Variants in SEC23A observed in about 807,000 individuals in gnomAD.
SEC23A encodes SEC23 homolog A, COPII component.
A neutral mutation model predicts 103.7 loss-of-function variants in SEC23A; 56 were observed. The ratio of observed to expected loss-of-function variants is 0.54; its 90% CI spans 0.44 to 0.67. The LOEUF is 0.67. Among genes scored for constraint, SEC23A ranks in the 30% least tolerant of loss-of-function variants. The pLI, the probability that SEC23A is intolerant of heterozygous loss-of-function variation, is 0.00. For synonymous variants in SEC23A, 281 were observed against 293.0 expected, an observed-to-expected ratio of 0.96 and a Z score of 0.42; for missense variants, 784 against 936.4, an observed-to-expected ratio of 0.84 and a Z score of 2.12.
rs1049940628 is a variant in SEC23A at position 39,103,214 on chromosome 14, T to A, written c.-204A>T. ...AGCGAAGACCTCCGCCCGGCCAACA[T>A]GGCTGGCGCCGCCTCTGCCACGTCA... On this transcript the variant is annotated 5_prime_UTR_variant, in exon 1 of 20. It removes an upstream start codon present in the reference 5' UTR. Transcript: ENST00000307712. The A allele has an allele frequency of 3.3e-5, 5 of 152,140 alleles. No individual in the cohort carries two copies. The highest frequency in any genetic ancestry group is 7.3e-5 in the Non-Finnish European group (5 of 68,124). The allele number at this position is 152,140 out of a possible 1,614,324, so 9.4% of individuals were successfully genotyped here.
chr14:39,077,987 T>C (rs1014368963), intron 7 of SEC23A, among the ~76,000 whole-genome samples: 1 of 152,116 alleles, frequency 6.6e-6, no homozygotes, highest in Admixed American at 6.5e-5. Flanking sequence ...CTGTGGCTCA[T>C]GCCTCTAATC....
chr14:39,085,644 G>C (rs1442630651), intron 7 of SEC23A, 118 bp downstream of exon 7: 1 of 1,221,186 alleles, frequency 8.2e-7, no homozygotes, highest in African/African-American at 1.5e-5. Flanking sequence ...AGAGAATAGG[G>C]AGGAAAAAAA....
chr14:39,065,540 C>T (rs1473304499), intron 10 of SEC23A, among the ~76,000 whole-genome samples: 7 of 152,172 alleles, frequency 4.6e-5, no homozygotes, highest in South Asian at 2.1e-4. Context: ...TGTGTCTCCA[C>T]ACTACAGCCA....
At chr14:39,061,630 G>A (rs1319130248) in intron 13 of SEC23A, 135 bp downstream of exon 13, 2 of 699,386 alleles carry the variant, frequency 2.9e-6, no homozygotes, top group Non-Finnish European at 5.1e-6. Flanking sequence ...GGGTTAGAAA[G>A]AAATAAATAA....
In SEC23A at chr14:39,033,172, G is replaced by A; in HGVS notation, c.*67C>T. 1 of 1,251,486 alleles carries A rather than the reference G, an allele frequency of 8.0e-7. No homozygotes were observed. 77.5% of individuals were successfully genotyped at this position (1,251,486 alleles called of 1,614,324 possible). Reference sequence around the variant, plus strand: ...ATCTGTTGGTTTCCACAGATAAATGGAAAAAGGAAAAAATGAAATTTGAAT... The same window carrying A: ...ATCTGTTGGTTTCCACAGATAAATGAAAAAAGGAAAAAATGAAATTTGAAT... On this transcript the variant is annotated 3_prime_UTR_variant, in exon 20 of 20. Transcript: ENST00000307712.
At chr14:39,065,024 T>G in intron 10 of SEC23A, 31 bp from the exon 11 acceptor site, 1 of 1,380,650 alleles carries the variant, frequency 7.2e-7, no homozygotes, top group African/African-American at 1.4e-5. Context: ...ATGTTCGGTT[T>G]CCTCAAAGAT....
chr14:39,067,666 C>CTTTTT (rs762046832), intron 9 of SEC23A, among the ~76,000 whole-genome samples: 1 of 82,142 alleles, frequency 1.2e-5, no homozygotes, highest in Non-Finnish European at 2.3e-5. Context: ...CATGCATTCT[C>CTTTTT]TTTTTTTTTT....
intron 11 of SEC23A, among the ~76,000 whole-genome samples, chr14:39,064,066 A>G (rs1284742720): frequency 3.5e-5 from 4 of 113,482 alleles, no homozygotes; most frequent in African/African-American, 1.1e-4. Context: ...TTATCCTTCT[A>G]TCCAACTACT....
intron 2 of SEC23A, chr14:39,095,070 C>T: frequency 1.5e-6 from 1 of 678,752 alleles, no homozygotes; most frequent in South Asian, 1.6e-5. Flanking sequence ...ATTGAAATTG[C>T]CCAGGAAAAA....
chr14:39,098,814 C>G (rs1887983141), intron 1 of SEC23A, among the ~76,000 whole-genome samples: 2 of 149,060 alleles, frequency 1.3e-5, no homozygotes, highest in Admixed American at 1.3e-4. Flanking sequence ...GAAATCAGAA[C>G]AGGGATGACT....
intron 14 of SEC23A, among the ~76,000 whole-genome samples, chr14:39,051,286 T>C (rs1303409144): frequency 6.6e-6 from 1 of 152,224 alleles, no homozygotes. Context: ...ATGTCTGTTT[T>C]GGATACCTTT....
At chr14:39,047,521 ACAGAGCAGCTCTG>A in intron 15 of SEC23A, 2 of 538,804 alleles carry the variant, frequency 3.7e-6, no homozygotes, top group Non-Finnish European at 2.8e-6. Context: ...AAAAAAAAAA[ACAGAGCAGCTCTG>A]AAAAAGAAAG....
intron 13 of SEC23A, among the ~76,000 whole-genome samples, chr14:39,056,743 G>A (rs8014508): frequency 0.056 from 8,469 of 152,174 alleles, 789 homozygotes; most frequent in African/African-American, 0.19. Context: ...GATTACAGGC[G>A]TGAGCACCAC....
intron 16 of SEC23A, among the ~76,000 whole-genome samples, chr14:39,043,142 A>G (rs575787904): frequency 6.6e-6 from 1 of 152,014 alleles, no homozygotes; most frequent in East Asian, 1.9e-4. Flanking sequence ...ATGTCCAGCT[A>G]GTTTTTTCAT....
intron 2 of SEC23A, chr14:39,094,947 C>T (rs1245472550): frequency 2.9e-6 from 2 of 691,938 alleles, no homozygotes; most frequent in Admixed American, 2.1e-5. Flanking sequence ...GAATAAGAAG[C>T]TACTACTGGA....
intron 11 of SEC23A, chr14:39,064,562 G>C (rs1241466547): frequency 1.0e-5 from 2 of 191,416 alleles, no homozygotes; most frequent in Non-Finnish European, 2.2e-5. Flanking sequence ...CAGTACAAAA[G>C]TTTTAATTAG....
intron 13 of SEC23A, 131 bp from the exon 14 acceptor site, chr14:39,055,427 A>G: frequency 1.5e-6 from 1 of 662,544 alleles, no homozygotes; most frequent in Non-Finnish European, 2.4e-6. Flanking sequence ...TTTTTTTTTG[A>G]GACAGAGTCT....
rs201112611 is a variant in SEC23A at position 39,094,393 on chromosome 14, C to T, written c.222-1149G>A. ...ATATATACACACACACACACACACA[C>T]ACACATATATATATATATATATATA... On this transcript the variant is annotated intron_variant, in intron 2 of 19. Coordinates refer to ENST00000307712, the MANE Select transcript of SEC23A (RefSeq NM_006364.4). Among the ~76,000 whole-genome samples the T allele has an allele frequency of 7.5e-4, 18 of 23,946 alleles. 1 individual carries two copies. Among genetic ancestry groups the T allele is most frequent in the East Asian group, 1.5e-3 (1 of 652 alleles). 15.7% of individuals were successfully genotyped at this position (23,946 alleles called of 152,430 possible).
intron 15 of SEC23A, chr14:39,047,390 T>C (rs908334557): frequency 2.3e-6 from 3 of 1,288,808 alleles, no homozygotes; most frequent in African/African-American, 1.5e-5. Context: ...GACCTTGCCT[T>C]TTCCTGGTTC....
Sources: allele counts gnomAD v4.1 joint callset (sites outside exome capture counted in the v4.1 genomes callset), GRCh38; gene constraint gnomAD v4.1.1; transcripts MANE v1.5; gene names NCBI Gene and HGNC (gene_info 2026-07-23, HGNC 2026-07-21).